Variants in GALNT18 observed in about 807,000 individuals in gnomAD.
GALNT18 encodes polypeptide N-acetylgalactosaminyltransferase 18.
A neutral mutation model predicts 69.5 loss-of-function variants in GALNT18; 44 were observed. The observed-to-expected ratio is 0.63, with a 90% confidence interval of 0.50 to 0.81. The LOEUF is 0.81. Among genes scored for constraint, GALNT18 ranks in the 40% least tolerant of loss-of-function variants. The pLI is 0.00. For missense variants in GALNT18, 715 were observed against 810.0 expected (o/e 0.88, Z 1.42); for synonymous variants, 364 against 318.2 (o/e 1.14, Z -1.53).
intron 1 of GALNT18, among the ~76,000 whole-genome samples, chr11:11,473,476 C>T (rs1414642900): frequency 6.6e-6 from 1 of 151,980 alleles, no homozygotes; most frequent in Non-Finnish European, 1.5e-5. Flanking sequence ...CCGATTAATG[C>T]TGTATATTTA....
rs1445181469 is a variant in GALNT18, at chr11:11,415,777, G to T, written c.595+16844C>A. Among the ~76,000 whole-genome samples the T allele has an allele frequency of 1.3e-5, 2 of 152,148 alleles. No individual in the cohort carries two copies. Among genetic ancestry groups the T allele is most frequent in the African/African-American group, 4.8e-5 (2 of 41,444 alleles). ...TCCATCCACCCATCTCATTTGCAAA[G>T]CAGGAGGGTGGGATTTGTTTTTCCT... On this transcript the variant is annotated intron_variant, in intron 3 of 10. Coordinates refer to ENST00000227756, the MANE Select transcript of GALNT18 (RefSeq NM_198516.3). This position sits in a 1 kb window ranked among gnomAD's most constrained non-coding sequence, Gnocchi z 4.1.
chr11:11,367,170 T>C (rs1850791893), intron 6 of GALNT18, among the ~76,000 whole-genome samples: 1 of 152,064 alleles, frequency 6.6e-6, no homozygotes, highest in African/African-American at 2.4e-5. Context: ...AATCAGATCT[T>C]GTGATGAGGC....
intron 1 of GALNT18, among the ~76,000 whole-genome samples, chr11:11,486,800 C>G (rs1856655160): frequency 6.6e-6 from 1 of 152,224 alleles, no homozygotes. Flanking sequence ...TTTGTCCAAG[C>G]TGACGGCTCC....
At chr11:11,385,633 C>G (rs1231771192) in intron 3 of GALNT18, among the ~76,000 whole-genome samples, 3 of 151,970 alleles carry the variant, frequency 2.0e-5, no homozygotes. Context: ...TTGGTGGGGA[C>G]AAATATCCAA....
rs1174972955 is a variant in GALNT18, at chr11:11,564,252, G to C, written c.235+57107C>G. Among the ~76,000 whole-genome samples the C allele has an allele frequency of 6.6e-6, 1 of 152,154 alleles. No individual in the cohort carries two copies. The highest frequency in any genetic ancestry group is 1.5e-5 in the Non-Finnish European group (1 of 68,034). ...TGTGCTATACTGCCTTCACCTGAAGGCTCATCTTAAGAGATATGCACCTGA... is the reference window on the plus strand; with the variant it reads ...TGTGCTATACTGCCTTCACCTGAAGCCTCATCTTAAGAGATATGCACCTGA... On this transcript the variant is annotated intron_variant, in intron 1 of 10. Coordinates refer to ENST00000227756, the MANE Select transcript of GALNT18 (RefSeq NM_198516.3). This position sits in a 1 kb window ranked among gnomAD's most constrained non-coding sequence, Gnocchi z 4.3.
chr11:11,402,592 T>C lies in GALNT18; in HGVS notation c.596-23328A>G, dbSNP rs7941117. Reference sequence around the variant, plus strand: ...CAGCCACAGCTCTTGGAGAGAAGGATTGCACATGGCATGGCTTTCTGTCCT... The same window carrying C: ...CAGCCACAGCTCTTGGAGAGAAGGACTGCACATGGCATGGCTTTCTGTCCT... On this transcript the variant is annotated intron_variant, in intron 3 of 10. Coordinates refer to ENST00000227756, the MANE Select transcript of GALNT18 (RefSeq NM_198516.3). This position sits in a 1 kb window ranked among gnomAD's most constrained non-coding sequence, Gnocchi z 4.0. Among the ~76,000 whole-genome samples, 2,850 of 152,340 alleles carry C rather than the reference T, an allele frequency of 0.019. 41 individuals are homozygous for C. The highest frequency in any genetic ancestry group is 0.038 in the African/African-American group (1,585 of 41,580).
intron 10 of GALNT18, among the ~76,000 whole-genome samples, chr11:11,280,809 G>T (rs1037631435): frequency 1.3e-4 from 20 of 152,146 alleles, no homozygotes; most frequent in African/African-American, 4.8e-4. Flanking sequence ...GCTCCTGATG[G>T]GTGTGAAGCA....
At position 11,277,132 on chromosome 11, in the gene GALNT18, G is replaced by A. The variant is rs554959183; in HGVS notation, c.1678-5842C>T. 1.3e-3 allele frequency among the ~76,000 whole-genome samples: 193 copies of A among 152,242 alleles called. 3 individuals are homozygous for A. The highest frequency in any genetic ancestry group is 4.4e-4 in the Non-Finnish European group (30 of 68,020). ...TCTGGTAGAATTTGGCTGTGAATCC[G>A]TCTGGTCCTGGACTTTTTTTGGTGG... On this transcript the variant is annotated intron_variant, in intron 10 of 10. Coordinates refer to ENST00000227756, the MANE Select transcript of GALNT18 (RefSeq NM_198516.3).
rs1464034972 is a variant in GALNT18, at chr11:11,546,169, A to G, written c.235+75190T>C. Among the ~76,000 whole-genome samples the G allele has an allele frequency of 6.6e-6, 1 of 152,124 alleles. No homozygotes were observed. The highest frequency in any genetic ancestry group is 1.5e-5 in the Non-Finnish European group (1 of 68,016). ...AAGGCTTACAAGCCCAAAGTGAGCC[A>G]GTTGTTTGAGCTACCCTTGAGCCAC... On this transcript the variant is annotated intron_variant, in intron 1 of 10. Coordinates refer to ENST00000227756, the MANE Select transcript of GALNT18 (RefSeq NM_198516.3). This position sits in a 1 kb window ranked among gnomAD's most constrained non-coding sequence, Gnocchi z 5.8.
rs1206933646 is a variant in GALNT18, at chr11:11,383,062, C to T, written c.596-3798G>A. On this transcript the variant is annotated intron_variant, in intron 3 of 10. Transcript: ENST00000227756. This position sits in a 1 kb window ranked among gnomAD's most constrained non-coding sequence, Gnocchi z 5.2. Reference sequence around the variant, plus strand: ...TGTCCACAAATCCCTGATCTCCTGACATTGGAGGGACCTCTGTAAACCAGC... The same window carrying T: ...TGTCCACAAATCCCTGATCTCCTGATATTGGAGGGACCTCTGTAAACCAGC... Among the ~76,000 whole-genome samples the T allele has an allele frequency of 6.6e-6, 1 of 152,174 alleles. No individual in the cohort carries two copies. Among genetic ancestry groups the T allele is most frequent in the East Asian group, 1.9e-4 (1 of 5,188 alleles).
At position 11,594,848 on chromosome 11, in the gene GALNT18, T is replaced by TACACAC. The variant is rs1554956013; in HGVS notation, c.235+26510_235+26511insGTGTGT. The stretch of plus-strand genomic sequence containing the variant: ...ATATATATATATATATATACACATA[T>TACACAC]ACATACATACACACACATAAATATA... On this transcript the variant is annotated intron_variant, in intron 1 of 10. Coordinates refer to ENST00000227756, the MANE Select transcript of GALNT18 (RefSeq NM_198516.3). Among the ~76,000 whole-genome samples the TACACAC allele has an allele frequency of 6.1e-5, 7 of 114,278 alleles. No homozygotes were observed. In the South Asian group the frequency reaches 8.8e-4, roughly 14 times the overall value. The allele number at this position is 114,278 out of a possible 152,430, so 75.0% of individuals were successfully genotyped here. A position where few individuals can be genotyped will look rare whatever the true frequency, so the allele number is the denominator to read the frequency against.
rs567758488 is a variant in GALNT18, at chr11:11,448,953, C to G, written c.236-17G>C. ...CAGGAGCCTCTGGAGAAAGAAGGAA[C>G]AGGAGACAGTGGGTCAGAGTGCACC... On this transcript the variant is annotated splice_polypyrimidine_tract_variant and intron_variant, in intron 1 of 10. Coordinates refer to ENST00000227756, the MANE Select transcript of GALNT18 (RefSeq NM_198516.3). 127 of 1,560,742 alleles carry G rather than the reference C, an allele frequency of 8.1e-5. No individual in the cohort carries two copies. In the East Asian group the frequency reaches 2.9e-3, roughly 35 times the overall value.
At chr11:11,414,013 C>T (rs979852933) in intron 3 of GALNT18, among the ~76,000 whole-genome samples, 2 of 152,168 alleles carry the variant, frequency 1.3e-5, no homozygotes, top group African/African-American at 4.8e-5. Flanking sequence ...TCCTTCACCC[C>T]GTCACTCAAG....
intron 1 of GALNT18, among the ~76,000 whole-genome samples, chr11:11,515,762 G>A (rs1857260860): frequency 6.6e-6 from 1 of 152,242 alleles, no homozygotes; most frequent in African/African-American, 2.4e-5. Context: ...CTGGGAGGAA[G>A]AGCATTCCCA....
rs147223839 is a variant in GALNT18, at chr11:11,277,746, A to G, written c.1678-6456T>C. 2.4e-3 allele frequency among the ~76,000 whole-genome samples: 368 copies of G among 152,176 alleles called. 5 individuals carry two copies. The highest frequency in any genetic ancestry group is 8.2e-3 in the African/African-American group (339 of 41,514). On this transcript the variant is annotated intron_variant, in intron 10 of 10. Transcript: ENST00000227756. ...AAAGAACATCTTTTATTCTGCCTTC[A>G]TTTTGTTATTTACCCAGTAGTAACT...
chr11:11,483,959 G>A (rs1410414813), intron 1 of GALNT18, among the ~76,000 whole-genome samples: 1 of 152,092 alleles, frequency 6.6e-6, no homozygotes, highest in Non-Finnish European at 1.5e-5. Context: ...TGAAGGCCCC[G>A]AGCAAAGTTC....
intron 3 of GALNT18, among the ~76,000 whole-genome samples, chr11:11,431,947 G>A (rs886735867): frequency 6.6e-6 from 1 of 152,194 alleles, no homozygotes; most frequent in African/African-American, 2.4e-5. Context: ...ATATGGGGGG[G>A]CAAAGAATCA....
At chr11:11,380,103 T>C (rs1485248977) in intron 3 of GALNT18, among the ~76,000 whole-genome samples, 2 of 152,178 alleles carry the variant, frequency 1.3e-5, no homozygotes, top group Non-Finnish European at 2.9e-5. Flanking sequence ...CCCTGATGAG[T>C]GATCATGCAG....
At chr11:11,379,680 T>C (rs1853863172) in intron 3 of GALNT18, among the ~76,000 whole-genome samples, 2 of 152,186 alleles carry the variant, frequency 1.3e-5, no homozygotes, top group African/African-American at 4.8e-5. Flanking sequence ...TCCTTCCTAT[T>C]GGTCTCCATC....
Sources: allele counts gnomAD v4.1 joint callset (sites outside exome capture counted in the v4.1 genomes callset), GRCh38; gene constraint gnomAD v4.1.1; non-coding constraint Gnocchi (gnomAD v3.1); transcripts MANE v1.5; gene names NCBI Gene and HGNC (gene_info 2026-07-23, HGNC 2026-07-21).